The following CEP112 variants were observed in gnomAD, a reference collection of about 807,000 sequenced individuals.
CEP112 encodes centrosomal protein 112.
Under a neutral mutation model 153.0 loss-of-function variants are expected in CEP112, and 127 were observed. The observed-to-expected ratio is 0.83, with a 90% CI of 0.72 to 0.96. The LOEUF (loss-of-function observed/expected upper bound fraction) is 0.96, where lower values mean the gene tolerates loss of function less well. Among genes scored for constraint, CEP112 ranks in the 40% least tolerant of loss-of-function variants. The pLI, the probability that CEP112 is intolerant of heterozygous loss-of-function variation, is 0.00. For missense variants in CEP112, 1,089 were observed against 1,101.2 expected (o/e 0.99, Z 0.16); for synonymous variants, 358 against 374.4 (o/e 0.96, Z 0.51).
intron 21 of CEP112, among the ~76,000 whole-genome samples, chr17:65,765,495 T>G (rs908134752): frequency 1.3e-5 from 2 of 152,090 alleles, no homozygotes; most frequent in African/African-American, 4.8e-5. Flanking sequence ...ACAATATTCA[T>G]GACGAGAACC....
chr17:65,706,334 G>T (rs534733194), intron 23 of CEP112, among the ~76,000 whole-genome samples: 16 of 152,264 alleles, frequency 1.1e-4, no homozygotes, highest in Middle Eastern at 3.4e-3. Context: ...GGAAAATGGG[G>T]GTGTGCTCAG....
chr17:66,045,495 C>A (rs754534285), intron 12 of CEP112, among the ~76,000 whole-genome samples: 3 of 152,134 alleles, frequency 2.0e-5, no homozygotes, highest in Non-Finnish European at 4.4e-5. Context: ...ACAGAAATTA[C>A]ACTCTTAAAT....
intron 18 of CEP112, among the ~76,000 whole-genome samples, chr17:65,945,163 C>T (rs73349086): frequency 0.065 from 9,840 of 152,130 alleles, 466 homozygotes; most frequent in African/African-American, 0.12. Context: ...TGGCTGATTT[C>T]GTTCAACTTT....
intron 21 of CEP112, among the ~76,000 whole-genome samples, chr17:65,764,243 G>A (rs2052796789): frequency 3.3e-5 from 5 of 152,122 alleles, no homozygotes; most frequent in Admixed American, 2.0e-4. Context: ...TTTTGTTGCT[G>A]TTGGATACAA....
At chr17:65,820,560 T>C (rs1314158553) in intron 21 of CEP112, among the ~76,000 whole-genome samples, 1 of 152,120 alleles carries the variant, frequency 6.6e-6, no homozygotes, top group African/African-American at 2.4e-5. Context: ...GTTCACATCA[T>C]CCATTTTACA....
intron 19 of CEP112, among the ~76,000 whole-genome samples, chr17:65,905,803 G>A (rs1456494722): frequency 6.6e-6 from 1 of 152,090 alleles, no homozygotes; most frequent in Non-Finnish European, 1.5e-5. Context: ...AAATTAGCCA[G>A]GTGTAGTGGT....
chr17:65,888,460 G>A (rs577631753), intron 20 of CEP112, among the ~76,000 whole-genome samples: 2 of 152,020 alleles, frequency 1.3e-5, no homozygotes, highest in Non-Finnish European at 2.9e-5. Context: ...GGAACAAAGA[G>A]ATCAATGAAA....
chr17:65,944,681 C>A (rs2061598812), intron 18 of CEP112, among the ~76,000 whole-genome samples: 1 of 152,044 alleles, frequency 6.6e-6, no homozygotes, highest in Admixed American at 6.5e-5. Flanking sequence ...CTTCAAATGG[C>A]TGGGCTCAAG....
chr17:65,713,235 T>C (rs1400613232), intron 23 of CEP112, among the ~76,000 whole-genome samples: 1 of 152,172 alleles, frequency 6.6e-6, no homozygotes, highest in Non-Finnish European at 1.5e-5. Context: ...GGTTACCAGG[T>C]AGGCAGACAA....
intron 24 of CEP112, among the ~76,000 whole-genome samples, chr17:65,677,878 A>T (rs1343720585): frequency 6.6e-6 from 1 of 152,160 alleles, no homozygotes; most frequent in Non-Finnish European, 1.5e-5. Context: ...GCGCCACTGC[A>T]CTCCAGCCTG....
Position 65,954,736 on chromosome 17 carries a change from T to C in CEP112, c.1872+6727A>G, listed in dbSNP as rs142512650. Among the ~76,000 whole-genome samples, 768 of 151,848 alleles carry C rather than the reference T, an allele frequency of 5.1e-3. 8 individuals carry two copies. The highest frequency in any genetic ancestry group is 0.018 in the African/African-American group (736 of 41,386). ...AAAATGCACTGGAAAATCTCAGTAA[T>C]AGAATTGAACAAGCAGAAGAAAGAA... is the stretch of plus-strand genomic sequence containing the variant. On this transcript the variant is annotated intron_variant, in intron 18 of 26. Transcript: ENST00000535342.
chr17:66,070,563 G>A (rs533209437), intron 8 of CEP112, among the ~76,000 whole-genome samples: 2 of 152,234 alleles, frequency 1.3e-5, no homozygotes, highest in South Asian at 4.1e-4. Context: ...CCTCAAGGGA[G>A]TGACTTTATC....
At chr17:65,965,763 C>A (rs750397507) in intron 17 of CEP112, among the ~76,000 whole-genome samples, 1 of 152,040 alleles carries the variant, frequency 6.6e-6, no homozygotes, top group Non-Finnish European at 1.5e-5. Flanking sequence ...CTCAAGCGAT[C>A]CACCCCGGTC....
At chr17:65,881,030 C>T (rs545370891) in intron 20 of CEP112, among the ~76,000 whole-genome samples, 62 of 152,234 alleles carry the variant, frequency 4.1e-4, no homozygotes, top group Admixed American at 2.6e-3. Context: ...TCCTGGCTGA[C>T]GCAGTGAAAC....
At chr17:65,792,975 C>T (rs915071196) in intron 21 of CEP112, among the ~76,000 whole-genome samples, 5 of 151,958 alleles carry the variant, frequency 3.3e-5, no homozygotes, top group Admixed American at 6.6e-5. Flanking sequence ...TTTAGCTGGA[C>T]GCCTAGTGGG....
At chr17:65,732,064 G>T (rs932744419) in intron 23 of CEP112, among the ~76,000 whole-genome samples, 2 of 152,116 alleles carry the variant, frequency 1.3e-5, no homozygotes, top group Non-Finnish European at 2.9e-5. Context: ...AATTTACTTT[G>T]CCCAGTTCCA....
At chr17:65,806,666 T>G (rs1420651754) in intron 21 of CEP112, among the ~76,000 whole-genome samples, 1 of 152,110 alleles carries the variant, frequency 6.6e-6, no homozygotes, top group Non-Finnish European at 1.5e-5. Flanking sequence ...TGTGTGGCAC[T>G]TCCCCCTTCT....
At chr17:65,733,160 G>C (rs1448907915) in intron 23 of CEP112, among the ~76,000 whole-genome samples, 3 of 152,152 alleles carry the variant, frequency 2.0e-5, no homozygotes, top group Non-Finnish European at 4.4e-5. Context: ...CAATATTGTT[G>C]TGTCTCAGGG....
chr17:66,149,884 G>GGTTT (rs2071105490), intron 4 of CEP112, among the ~76,000 whole-genome samples: 1 of 46,838 alleles, frequency 2.1e-5, no homozygotes, highest in South Asian at 1.1e-3. Flanking sequence ...TTTTTTGTTT[G>GGTTT]TTTGTTTTTT....
Sources: gnomAD v4.1 joint callset for allele counts (sites outside exome capture counted in the v4.1 genomes callset) on GRCh38, gnomAD v4.1.1 for gene constraint, MANE v1.5 for transcripts, NCBI Gene and HGNC (gene_info 2026-07-23, HGNC 2026-07-21) for gene names.